Variants in GRM1 observed in about 807,000 individuals in gnomAD.
GRM1 encodes the protein metabotropic glutamate receptor 1.
Under a neutral mutation model 90.9 loss-of-function variants are expected in GRM1, and 33 were observed. The observed-to-expected ratio is 0.36, with a 90% confidence interval of 0.28 to 0.49. GRM1 has a LOEUF of 0.49. GRM1 is among the 20% of genes least tolerant of loss of function. The pLI, the probability that GRM1 is intolerant of heterozygous loss-of-function variation, is 0.99. For missense variants in GRM1, 1,190 were observed against 1,534.3 expected (o/e 0.78, Z 3.75); for synonymous variants, 700 against 613.2 (o/e 1.14, Z -2.09).
chr6:146,258,448 G>A (rs1391619452), intron 2 of GRM1, among the ~76,000 whole-genome samples: 10 of 143,520 alleles, frequency 7.0e-5, no homozygotes, highest in Non-Finnish European at 1.5e-5. Context: ...CCTTATTGCA[G>A]TTCACTTTCT....
At chr6:146,242,574 CA>C (rs1187388359) in intron 2 of GRM1, among the ~76,000 whole-genome samples, 1 of 152,112 alleles carries the variant, frequency 6.6e-6, no homozygotes, top group Non-Finnish European at 1.5e-5. Context: ...AAATACTTTT[CA>C]ATCAGCTTCT....
chr6:146,398,462 A>C (rs1777045302), intron 6 of GRM1, among the ~76,000 whole-genome samples: 1 of 152,202 alleles, frequency 6.6e-6, no homozygotes, highest in African/African-American at 2.4e-5. Flanking sequence ...TTTTCTGAAC[A>C]TGTAGAACCG....
At chr6:146,344,684 A>G (rs1279207242) in intron 3 of GRM1, among the ~76,000 whole-genome samples, 3 of 152,214 alleles carry the variant, frequency 2.0e-5, no homozygotes, top group South Asian at 4.1e-4. Flanking sequence ...AATCCTCACA[A>G]TTACGACACT....
At chr6:146,249,631 C>A (rs1230346455) in intron 2 of GRM1, among the ~76,000 whole-genome samples, 1 of 152,154 alleles carries the variant, frequency 6.6e-6, no homozygotes, top group Non-Finnish European at 1.5e-5. Context: ...GCAGAGACCT[C>A]ATGGAGAACC....
intron 1 of GRM1, among the ~76,000 whole-genome samples, chr6:146,128,554 G>T (rs560456639): frequency 6.6e-6 from 1 of 151,990 alleles, no homozygotes; most frequent in Non-Finnish European, 1.5e-5. Context: ...TTAATCCTTC[G>T]CAGCAGTTAT....
chr6:146,313,539 TG>T (rs1783846881), intron 3 of GRM1, among the ~76,000 whole-genome samples: 1 of 152,234 alleles, frequency 6.6e-6, no homozygotes, highest in African/African-American at 2.4e-5. Context: ...AGAATAGTTT[TG>T]TATTTCACGC....
chr6:146,270,944 CCTTCCTTCCTTTCTTT>C (rs1562571366), intron 2 of GRM1, among the ~76,000 whole-genome samples: 1 of 127,374 alleles, frequency 7.9e-6, no homozygotes, highest in Non-Finnish European at 1.6e-5. Context: ...TTCCTTCCTT[CCTTCCTTCCTTTCTTT>C]CTTTCTTTTT....
At chr6:146,358,364 C>T (rs558024388) in intron 5 of GRM1, among the ~76,000 whole-genome samples, 4 of 152,184 alleles carry the variant, frequency 2.6e-5, no homozygotes, top group Admixed American at 2.6e-4. Context: ...GCAACACTCT[C>T]TGTATCCCAG....
chr6:146,077,052 A>G (rs1262158551), intron 1 of GRM1, among the ~76,000 whole-genome samples: 6 of 152,124 alleles, frequency 3.9e-5, no homozygotes, highest in Non-Finnish European at 8.8e-5. Context: ...ATAGTAGGAT[A>G]TTTCGTTATT....
chr6:146,106,850 G>A (rs1400002061), intron 1 of GRM1, among the ~76,000 whole-genome samples: 3 of 152,186 alleles, frequency 2.0e-5, no homozygotes, highest in East Asian at 1.9e-4. Context: ...ATGAGGCTGG[G>A]TAACTCAGCT....
intron 1 of GRM1, among the ~76,000 whole-genome samples, chr6:146,044,207 G>T (rs1024898068): frequency 2.0e-4 from 30 of 151,900 alleles, no homozygotes; most frequent in African/African-American, 7.0e-4. Flanking sequence ...GGGTGCCTCT[G>T]TGGATTTATA....
chr6:146,282,250 G>A (rs138484289), intron 2 of GRM1, among the ~76,000 whole-genome samples: 280 of 152,062 alleles, frequency 1.8e-3, no homozygotes, highest in African/African-American at 6.5e-3. Context: ...ATTCTATTAA[G>A]GCCTTCATTG....
intron 2 of GRM1, among the ~76,000 whole-genome samples, chr6:146,269,121 T>C (rs1208197482): frequency 1.3e-5 from 2 of 152,222 alleles, no homozygotes; most frequent in South Asian, 4.1e-4. Context: ...CTTGTTTTTA[T>C]CCGCCCTGAC....
chr6:146,232,101 A>T lies in GRM1; in HGVS notation c.950+72504A>T, dbSNP rs559646085. The stretch of plus-strand genomic sequence containing the variant: ...ACATTCAATTTTTTAAATAGAGATT[A>T]GACAATTTAGGTTATTTATTGGATA... On this transcript the variant is annotated intron_variant, in intron 2 of 7. Transcript: ENST00000282753. 5.9e-5 allele frequency among the ~76,000 whole-genome samples: 9 copies of T among 152,248 alleles called. No individual in the cohort carries two copies. In the East Asian group the frequency reaches 1.7e-3, roughly 29 times the overall value.
At chr6:146,311,856 T>C (rs981584604) in intron 3 of GRM1, among the ~76,000 whole-genome samples, 2 of 152,208 alleles carry the variant, frequency 1.3e-5, no homozygotes, top group Non-Finnish European at 1.5e-5. Context: ...ATTGATCATA[T>C]GATTTTTCCT....
intron 2 of GRM1, among the ~76,000 whole-genome samples, chr6:146,208,048 C>T (rs12194406): frequency 0.13 from 19,981 of 152,130 alleles, 1,462 homozygotes; most frequent in South Asian, 0.21. Context: ...TGTCATCTTT[C>T]TCTGACTTCT....
At chr6:146,407,488 C>A (rs1777387645) in intron 7 of GRM1, among the ~76,000 whole-genome samples, 1 of 152,162 alleles carries the variant, frequency 6.6e-6, no homozygotes, top group African/African-American at 2.4e-5. Flanking sequence ...TATAGGTCAT[C>A]TTTTATATTT....
intron 1 of GRM1, among the ~76,000 whole-genome samples, chr6:146,079,076 C>T (rs1162325146): frequency 6.6e-6 from 1 of 152,190 alleles, no homozygotes; most frequent in African/African-American, 2.4e-5. Flanking sequence ...CCTCCCTGCT[C>T]CCTGCAAATC....
chr6:146,169,760 A>G (rs924287414), intron 2 of GRM1, among the ~76,000 whole-genome samples: 7 of 152,170 alleles, frequency 4.6e-5, no homozygotes, highest in Admixed American at 6.5e-5. Context: ...ATAGTCCTAT[A>G]TTGACATTTA....
Sources: allele counts gnomAD v4.1 joint callset (sites outside exome capture counted in the v4.1 genomes callset), GRCh38; gene constraint gnomAD v4.1.1; transcripts MANE v1.5; gene names NCBI Gene and HGNC (gene_info 2026-07-23, HGNC 2026-07-21).